Variants in CBL observed in about 807,000 individuals in gnomAD.
CBL encodes E3 ubiquitin-protein ligase CBL.
A neutral mutation model predicts 96.9 loss-of-function variants in CBL; 45 were observed. The observed-to-expected ratio is 0.46, with a 90% CI of 0.37 to 0.60. The LOEUF (loss-of-function observed/expected upper bound fraction) is 0.60. Ranked by LOEUF, CBL falls within the 20% of genes least tolerant of loss-of-function variation. CBL has a pLI of 0.00. For synonymous variants in CBL, 420 were observed against 426.8 expected, an observed-to-expected ratio of 0.98 and a Z score of 0.20; for missense variants, 1,024 against 1,143.5, an observed-to-expected ratio of 0.90 and a Z score of 1.51.
intron 2 of CBL, among the ~76,000 whole-genome samples, chr11:119,239,777 GTTGTTGTTTTT>G (rs376447393): frequency 6.6e-6 from 1 of 150,894 alleles, no homozygotes; most frequent in African/African-American, 2.4e-5. Flanking sequence ...TCAGTTTTTG[GTTGTTGTTTTT>G]TTTTTGCTTT....
At chr11:119,281,531 GT>G (rs1949933689) in intron 9 of CBL, among the ~76,000 whole-genome samples, 1 of 126,766 alleles carries the variant, frequency 7.9e-6, no homozygotes, top group Non-Finnish European at 1.6e-5. Flanking sequence ...ATCTTGCTCT[GT>G]CACCCAGGCT....
intron 1 of CBL, among the ~76,000 whole-genome samples, chr11:119,209,211 A>C (rs1389602153): frequency 6.6e-6 from 1 of 151,986 alleles, no homozygotes; most frequent in Non-Finnish European, 1.5e-5. Flanking sequence ...TTTTCACTTT[A>C]TTTTTATTGT....
chr11:119,225,910 G>A (rs895464680), intron 1 of CBL, among the ~76,000 whole-genome samples: 4 of 151,884 alleles, frequency 2.6e-5, no homozygotes, highest in Non-Finnish European at 4.4e-5. Context: ...TGTGTTTTTA[G>A]TAGAGACGGG....
chr11:119,245,956 C>CTTTTTTTT lies in CBL; in HGVS notation c.443+13288_443+13295dup, dbSNP rs71048054. On this transcript the variant is annotated intron_variant, in intron 2 of 15. Transcript: ENST00000264033. ...TAAGACAGACGCATTCTTTGCAAAT[C>CTTTTTTTT]TTTTTTTTTTTTTTTTTTTTTTTTT... is the stretch of plus-strand genomic sequence containing the variant. Among the ~76,000 whole-genome samples, 80 of 54,300 alleles carry CTTTTTTTT rather than the reference C, an allele frequency of 1.5e-3. 9 individuals are homozygous for CTTTTTTTT. The highest frequency in any genetic ancestry group is 4.0e-3 in the Admixed American group (11 of 2,728). 35.6% of individuals were successfully genotyped at this position (54,300 alleles called of 152,430 possible).
intron 2 of CBL, among the ~76,000 whole-genome samples, chr11:119,258,482 A>G (rs1949728447): frequency 6.6e-6 from 1 of 152,106 alleles, no homozygotes; most frequent in African/African-American, 2.4e-5. Context: ...CTATCACTGT[A>G]TAGTACCAAG....
At chr11:119,214,134 AG>A (rs1480083843) in intron 1 of CBL, among the ~76,000 whole-genome samples, 2 of 151,702 alleles carry the variant, frequency 1.3e-5, no homozygotes, top group Admixed American at 1.3e-4. Flanking sequence ...TAGTAGAGAC[AG>A]GGTTTCACTA....
chr11:119,297,510 T>A (rs778889158), intron 14 of CBL, 29 bp downstream of exon 14: 2 of 1,452,270 alleles, frequency 1.4e-6, no homozygotes, highest in Non-Finnish European at 1.9e-6. Flanking sequence ...ACTTTAAAAA[T>A]CATTGATATG....
At chr11:119,294,372 T>G (rs1233070478) in intron 12 of CBL, among the ~76,000 whole-genome samples, 1 of 150,592 alleles carries the variant, frequency 6.6e-6, no homozygotes, top group Non-Finnish European at 1.5e-5. Context: ...GAGGTTGCAG[T>G]GAGCCAAGAT....
intron 2 of CBL, among the ~76,000 whole-genome samples, chr11:119,249,583 A>G (rs892363614): frequency 5.3e-5 from 8 of 150,884 alleles, no homozygotes; most frequent in Non-Finnish European, 1.2e-4. Flanking sequence ...TGGGCACATT[A>G]TAGAGAATTG....
intron 14 of CBL, among the ~76,000 whole-genome samples, chr11:119,297,851 T>C (rs1950074694): frequency 2.0e-5 from 3 of 152,208 alleles, no homozygotes; most frequent in Admixed American, 2.0e-4. Context: ...CTGGTTCCTT[T>C]TGTGCTTTTC....
chr11:119,232,427 C>T lies in CBL; in HGVS notation c.196-21C>T, dbSNP rs753620153. The T allele has an allele frequency of 3.7e-6, 6 of 1,612,100 alleles. No homozygotes were observed. The South Asian group carries it at 6.6e-5, about 18-fold the overall frequency. ...CCTTAAAATTCTCCAAGTAATAGCC[C>T]TTCTTTTTCATTTGTTGCAGGTGGT... On this transcript the variant is annotated intron_variant, in intron 1 of 15. Coordinates refer to ENST00000264033, the MANE Select transcript of CBL (RefSeq NM_005188.4).
chr11:119,220,011 G>A (rs528055703), intron 1 of CBL, among the ~76,000 whole-genome samples: 31 of 152,120 alleles, frequency 2.0e-4, no homozygotes, highest in Admixed American at 7.9e-4. Context: ...CACCACGCCC[G>A]GCTAATTTTT....
intron 1 of CBL, among the ~76,000 whole-genome samples, chr11:119,212,043 C>G (rs958335333): frequency 6.6e-6 from 1 of 151,966 alleles, no homozygotes; most frequent in Non-Finnish European, 1.5e-5. Flanking sequence ...CCTCAGCTTC[C>G]CCAGTAGCTG....
intron 2 of CBL, among the ~76,000 whole-genome samples, chr11:119,244,003 A>G (rs1411916499): frequency 2.0e-5 from 3 of 152,166 alleles, no homozygotes; most frequent in Admixed American, 2.0e-4. Context: ...TGTTGGGATT[A>G]CAGGTATGAG....
At chr11:119,221,231 A>G (rs1165193032) in intron 1 of CBL, among the ~76,000 whole-genome samples, 19 of 150,450 alleles carry the variant, frequency 1.3e-4, no homozygotes, top group Non-Finnish European at 2.8e-4. Context: ...TGACAGAGCG[A>G]GACTCCATCT....
At chr11:119,234,655 G>A (rs1009491056) in intron 2 of CBL, among the ~76,000 whole-genome samples, 6 of 152,108 alleles carry the variant, frequency 3.9e-5, no homozygotes, top group Admixed American at 3.9e-4. Context: ...GTTGGGAGCC[G>A]GGCACAGTGA....
chr11:119,231,939 A>T (rs559054737), intron 1 of CBL, among the ~76,000 whole-genome samples: 2 of 151,856 alleles, frequency 1.3e-5, no homozygotes, highest in East Asian at 3.9e-4. Flanking sequence ...CTCTAAAAAA[A>T]AAAAAAACAA....
In CBL at chr11:119,270,416, TTA is replaced by T. The variant is rs142299271; in HGVS notation, c.444-1299_444-1298del. Among the ~76,000 whole-genome samples the T allele has an allele frequency of 5.9e-3, 436 of 74,352 alleles. 6 individuals are homozygous for T. Among genetic ancestry groups the T allele is most frequent in the African/African-American group, 7.5e-3 (121 of 16,078 alleles). The allele number at this position is 74,352 out of a possible 152,430, so 48.8% of individuals were successfully genotyped here. On this transcript the variant is annotated intron_variant, in intron 2 of 15. Coordinates refer to ENST00000264033, the MANE Select transcript of CBL (RefSeq NM_005188.4). ...GCACACCACCATGGTCAGCTAATTT[TTA>T]TATATATATATATATATATTTTTTT...
At position 119,260,939 on chromosome 11, in the gene CBL, CTTTT is replaced by C. The variant is rs35248070; in HGVS notation, c.444-10779_444-10776del. 9.5e-4 allele frequency among the ~76,000 whole-genome samples: 85 copies of C among 89,926 alleles called. 1 individual carries two copies. The East Asian group carries it at 0.026, about 28-fold the overall frequency. The allele number at this position is 89,926 out of a possible 152,430, so 59.0% of individuals were successfully genotyped here. ...TTTCACTTTGGCAGTTAAATCTCTA[CTTTT>C]TTTTTTTTTTTTTTTTAATGGAGGC... On this transcript the variant is annotated intron_variant, in intron 2 of 15. Coordinates refer to ENST00000264033, the MANE Select transcript of CBL (RefSeq NM_005188.4).
Sources: gnomAD v4.1 joint callset for allele counts (sites outside exome capture counted in the v4.1 genomes callset) on GRCh38, gnomAD v4.1.1 for gene constraint, MANE v1.5 for transcripts, NCBI Gene and HGNC (gene_info 2026-07-23, HGNC 2026-07-21) for gene names.